The following TRAPPC8 variants were observed in gnomAD, a reference collection of about 807,000 sequenced individuals.
The protein encoded by TRAPPC8 is general sporulation gene 1 homolog.
TRAPPC8 carries 54 observed loss-of-function variants against 174.3 expected under a neutral mutation model. The observed-to-expected ratio is 0.31, with a 90% CI of 0.25 to 0.39. The LOEUF is 0.39. TRAPPC8 is among the 10% of genes least tolerant of loss of function. The pLI, the probability that TRAPPC8 is intolerant of heterozygous loss-of-function variation, is 1.00. For missense variants in TRAPPC8, 1,531 were observed against 1,699.1 expected, an observed-to-expected ratio of 0.90 and a Z score of 1.74; for synonymous variants, 630 against 579.9, an observed-to-expected ratio of 1.09 and a Z score of -1.24.
In TRAPPC8 at chr18:31,829,525, G is replaced by C. The variant is rs903545008; in HGVS notation, c.*1230C>G. 6.6e-6 allele frequency: 1 copy of C among 152,310 alleles called. No individual in the cohort carries two copies. Among genetic ancestry groups the C allele is most frequent in the African/African-American group, 2.4e-5 (1 of 41,468 alleles). The allele number at this position is 152,310 out of a possible 1,614,324, so 9.4% of individuals were successfully genotyped here. A position where few individuals can be genotyped will look rare whatever the true frequency, so the allele number is the denominator to read the frequency against. ...TTAAGATCCAGAAGCATAAGCAGCA[G>C]TTGCAGAGAGGCACACAGACTAGCC... On this transcript the variant is annotated 3_prime_UTR_variant, in exon 29 of 29. Transcript: ENST00000283351.
intron 24 of TRAPPC8, among the ~76,000 whole-genome samples, chr18:31,851,771 T>C (rs1040457289): frequency 1.4e-4 from 22 of 152,134 alleles, no homozygotes; most frequent in East Asian, 5.8e-4. Context: ...TCTCAGAATA[T>C]GATATGATAT....
At chr18:31,936,532 A>T (rs1291932362) in intron 1 of TRAPPC8, among the ~76,000 whole-genome samples, 2 of 152,200 alleles carry the variant, frequency 1.3e-5, no homozygotes, top group African/African-American at 4.8e-5. Flanking sequence ...AGAGTTTGGT[A>T]CTTCCACACC....
chr18:31,873,372 A>C, intron 14 of TRAPPC8, 58 bp downstream of exon 14: 1 of 1,389,286 alleles, frequency 7.2e-7, no homozygotes, highest in Non-Finnish European at 1.0e-6. Context: ...TGGAGAAAGG[A>C]AAAGAAGTTT....
At chr18:31,904,080 A>G (rs952094105) in intron 9 of TRAPPC8, among the ~76,000 whole-genome samples, 17 of 152,126 alleles carry the variant, frequency 1.1e-4, no homozygotes, top group Admixed American at 3.9e-4. Context: ...TACAAAAAAT[A>G]TAAAAATTAG....
chr18:31,916,272 C>A lies in TRAPPC8; in HGVS notation c.617G>T (p.Arg206Ile), dbSNP rs773906123. Residue 206 changes from arginine to isoleucine, a missense_variant and splice_region_variant, in exon 4 of 29, where the codon AGA becomes ATA. Transcript: ENST00000283351. The stretch of plus-strand genomic sequence containing the variant: ...ATTTAAAACTAAAATAAAAACTTAC[C>A]TCTGTTCATCTCCTGCACTTACATC... ...LHDVSAGDEQ[R>I]AESIYEEMKQ... 2.0e-6 allele frequency: 3 copies of A among 1,485,234 alleles called. No individual in the cohort carries two copies. The highest frequency in any genetic ancestry group is 1.4e-5 in the African/African-American group (1 of 69,596). 92.0% of individuals were successfully genotyped at this position (1,485,234 alleles called of 1,614,324 possible).
intron 12 of TRAPPC8, among the ~76,000 whole-genome samples, chr18:31,875,719 AT>A (rs2035109102): frequency 6.6e-6 from 1 of 152,234 alleles, no homozygotes; most frequent in South Asian, 2.1e-4. Context: ...AAAATGGAAA[AT>A]TGCAAGGAAT....
rs1178965280 is a variant in TRAPPC8 at position 31,841,466 on chromosome 18, C to T, written c.3838-2009G>A. On this transcript the variant is annotated intron_variant, in intron 26 of 28. Coordinates refer to ENST00000283351, the MANE Select transcript of TRAPPC8 (RefSeq NM_014939.5). ...GAAACTATCTGATACAATGTAATAG[C>T]CTTTACATGTGGGATGTAGGTGGAA... Among the ~76,000 whole-genome samples the T allele has an allele frequency of 2.0e-5, 3 of 151,854 alleles. No individual in the cohort carries two copies. The East Asian group carries it at 5.8e-4, about 29-fold the overall frequency.
In TRAPPC8 at chr18:31,846,811, C is replaced by T. The variant is rs749074952; in HGVS notation, c.3742G>A (p.Val1248Ile). 4.3e-5 allele frequency: 70 copies of T among 1,609,442 alleles called. 1 individual carries two copies. The South Asian group carries it at 6.1e-4, about 14-fold the overall frequency. The part of the protein sequence containing the change: ...LNIVILWKAY[V>I]VEDSKQLILE... ...ATAAGCTGTTTACTGTCTTCCACAA[C>T]GTATGCCTAAAAAATGCAAAGTACA... The change falls in exon 26 of 29, where the codon GTT (valine) becomes ATT (isoleucine). Residue 1248 changes from valine (V) to isoleucine (I), a missense_variant. Val to Ile is a conservative substitution (Grantham distance 29, BLOSUM62 3). Coordinates refer to ENST00000283351, the MANE Select transcript of TRAPPC8 (RefSeq NM_014939.5).
At chr18:31,937,904 C>T (rs1444693242) in intron 1 of TRAPPC8, among the ~76,000 whole-genome samples, 1 of 151,982 alleles carries the variant, frequency 6.6e-6, no homozygotes, top group Non-Finnish European at 1.5e-5. Context: ...GGTTTCGCCA[C>T]GTTAGCCACG....
intron 13 of TRAPPC8, 52 bp from the exon 14 acceptor site, chr18:31,873,590 T>G: frequency 1.5e-6 from 2 of 1,321,262 alleles, no homozygotes; most frequent in Non-Finnish European, 1.1e-6. Flanking sequence ...AATGGTATTT[T>G]TATTTGTTTC....
At chr18:31,891,490 G>GTTT (rs1421141917) in intron 11 of TRAPPC8, among the ~76,000 whole-genome samples, 2 of 152,096 alleles carry the variant, frequency 1.3e-5, no homozygotes, top group Non-Finnish European at 2.9e-5. Context: ...TACAACTCAA[G>GTTT]TAAGTTTCCA....
chr18:31,880,379 T>C (rs1048742211), intron 12 of TRAPPC8, among the ~76,000 whole-genome samples: 38 of 151,620 alleles, frequency 2.5e-4, no homozygotes, highest in African/African-American at 9.2e-4. Context: ...ACTCACCACA[T>C]AAAGAGAATT....
At chr18:31,881,724 A>C (rs2035463620) in intron 12 of TRAPPC8, among the ~76,000 whole-genome samples, 1 of 152,202 alleles carries the variant, frequency 6.6e-6, no homozygotes, top group African/African-American at 2.4e-5. Flanking sequence ...AATCTGAGAA[A>C]ATACTTGCAA....
chr18:31,879,985 A>T, intron 12 of TRAPPC8, among the ~76,000 whole-genome samples: 1 of 148,998 alleles, frequency 6.7e-6, no homozygotes. Flanking sequence ...AAAAAAAATA[A>T]ATAAACAACC....
At chr18:31,893,388 TG>T (rs1283285694) in intron 11 of TRAPPC8, among the ~76,000 whole-genome samples, 1 of 149,942 alleles carries the variant, frequency 6.7e-6, no homozygotes, top group East Asian at 1.9e-4. Context: ...TAGGTGTGTG[TG>T]TGTGTGTGTG....
chr18:31,832,609 A>C (rs1385826853), intron 27 of TRAPPC8: 1 of 152,214 alleles, frequency 6.6e-6, no homozygotes, highest in Non-Finnish European at 1.5e-5. Context: ...TTTTCTATCA[A>C]ATTTGCACAA....
intron 27 of TRAPPC8, among the ~76,000 whole-genome samples, chr18:31,835,706 CTG>C (rs1358142424): frequency 6.6e-6 from 1 of 152,196 alleles, no homozygotes; most frequent in African/African-American, 2.4e-5. Context: ...ACTGTGGTAA[CTG>C]TGAGTACTGC....
chr18:31,867,207 T>C (rs1017743201), intron 17 of TRAPPC8, among the ~76,000 whole-genome samples, 195 bp downstream of exon 17: 1 of 152,134 alleles, frequency 6.6e-6, no homozygotes, highest in Admixed American at 6.6e-5. Flanking sequence ...AGCAACAGGC[T>C]TCTCAGGAAA....
intron 3 of TRAPPC8, among the ~76,000 whole-genome samples, chr18:31,916,812 G>A (rs2037169264): frequency 7.1e-6 from 1 of 139,956 alleles, no homozygotes; most frequent in Non-Finnish European, 1.5e-5. Flanking sequence ...AGGATTATAG[G>A]CATGAGCCAC....
Sources: gnomAD v4.1 joint callset for allele counts (sites outside exome capture counted in the v4.1 genomes callset) on GRCh38, gnomAD v4.1.1 for gene constraint, MANE v1.5 for transcripts, NCBI Gene and HGNC (gene_info 2026-07-23, HGNC 2026-07-21) for gene names.